The following DAP variants were observed in gnomAD, a reference collection of about 807,000 sequenced individuals.
The protein encoded by DAP is death associated protein.
A neutral mutation model predicts 13.8 loss-of-function variants in DAP; 8 were observed. The ratio of observed to expected loss-of-function variants is 0.58; its 90% CI spans 0.34 to 1.05. The LOEUF (loss-of-function observed/expected upper bound fraction) is 1.05, where lower values mean the gene tolerates loss of function less well. DAP is among the 50% of genes least tolerant of loss of function. The pLI, the probability that DAP is intolerant of heterozygous loss-of-function variation, is 0.03. For missense variants in DAP, 106 were observed against 133.2 expected (o/e 0.80, Z 1.01); for synonymous variants, 47 against 47.5 (o/e 0.99, Z 0.04).
Position 10,681,123 on chromosome 5 carries a change from T to C in DAP, c.242A>G (p.Lys81Arg). The change falls in exon 4 of 4, where the codon AAG becomes AGG. Residue 81 changes from lysine (K) to arginine (R), a missense_variant. Transcript: ENST00000230895. The stretch of plus-strand genomic sequence containing the variant: ...ATGCTTGTCCATGGAGGCATGCGGC[T>C]TCTGGTGAGCCACCTGCGCAGCCGC... ...PPAAAQVAHQ[K>R]PHASMDKHPS... The C allele has an allele frequency of 1.3e-6, 2 of 1,557,418 alleles. No individual in the cohort carries two copies. The highest frequency in any genetic ancestry group is 2.3e-5 in the East Asian group (1 of 44,174).
At chr5:10,721,418 T>G (rs1739137641) in intron 2 of DAP, among the ~76,000 whole-genome samples, 1 of 151,982 alleles carries the variant, frequency 6.6e-6, no homozygotes, top group South Asian at 2.1e-4. Flanking sequence ...CCTGGACACT[T>G]TGGGCTCTTA....
At chr5:10,759,705 G>A (rs1232202849) in intron 1 of DAP, among the ~76,000 whole-genome samples, 2 of 144,582 alleles carry the variant, frequency 1.4e-5, no homozygotes, top group African/African-American at 2.5e-5. Flanking sequence ...GAGAATTCCC[G>A]CCCTATAGCG....
intron 2 of DAP, among the ~76,000 whole-genome samples, chr5:10,738,002 C>T (rs1739657866): frequency 6.6e-6 from 1 of 152,218 alleles, no homozygotes; most frequent in Non-Finnish European, 1.5e-5. Context: ...AGTGATGCAT[C>T]TACAAGCCAG....
At chr5:10,755,065 G>A (rs758030426) in intron 1 of DAP, among the ~76,000 whole-genome samples, 31 of 152,204 alleles carry the variant, frequency 2.0e-4, no homozygotes, top group Non-Finnish European at 3.2e-4. Context: ...GACTGAAGGT[G>A]AGGAGATTAT....
At chr5:10,718,883 T>C (rs1390629295) in intron 2 of DAP, among the ~76,000 whole-genome samples, 1 of 152,242 alleles carries the variant, frequency 6.6e-6, no homozygotes, top group Non-Finnish European at 1.5e-5. Flanking sequence ...TGTCATAATC[T>C]TATTCGGAGA....
chr5:10,733,589 A>C (rs1739528327), intron 2 of DAP, among the ~76,000 whole-genome samples: 1 of 152,182 alleles, frequency 6.6e-6, no homozygotes, highest in African/African-American at 2.4e-5. Flanking sequence ...TTGATACTCC[A>C]GCCCGTATTA....
intron 2 of DAP, among the ~76,000 whole-genome samples, chr5:10,689,150 GATC>G (rs1738234165): frequency 6.6e-6 from 1 of 152,170 alleles, no homozygotes; most frequent in African/African-American, 2.4e-5. Flanking sequence ...GATGATATGA[GATC>G]ATGACAGCTC....
intron 1 of DAP, among the ~76,000 whole-genome samples, chr5:10,752,171 C>A (rs1579823284): frequency 1.3e-5 from 2 of 152,232 alleles, no homozygotes; most frequent in East Asian, 3.8e-4. Flanking sequence ...AATAAGCACA[C>A]AGTGTCAAGG....
intron 2 of DAP, among the ~76,000 whole-genome samples, chr5:10,723,154 T>TA (rs1463772043): frequency 6.6e-6 from 1 of 152,060 alleles, no homozygotes; most frequent in Non-Finnish European, 1.5e-5. Context: ...AGTAAGCAAC[T>TA]AAAAAAGAAA....
At chr5:10,728,605 C>T (rs1206198303) in intron 2 of DAP, among the ~76,000 whole-genome samples, 1 of 152,218 alleles carries the variant, frequency 6.6e-6, no homozygotes, top group Non-Finnish European at 1.5e-5. Flanking sequence ...CTTGAGAAAA[C>T]TTGACCTTCC....
chr5:10,735,559 G>A (rs1054165517), intron 2 of DAP, among the ~76,000 whole-genome samples: 6 of 152,168 alleles, frequency 3.9e-5, no homozygotes, highest in Non-Finnish European at 8.8e-5. Flanking sequence ...GTAATGCAGT[G>A]CACATGTATA....
chr5:10,730,047 A>G (rs1006488926), intron 2 of DAP, among the ~76,000 whole-genome samples: 4 of 152,350 alleles, frequency 2.6e-5, no homozygotes, highest in East Asian at 1.9e-4. Flanking sequence ...CGGTTTTCTC[A>G]GGAGATAAAG....
intron 2 of DAP, among the ~76,000 whole-genome samples, chr5:10,731,979 C>G (rs1739475532): frequency 6.6e-6 from 1 of 152,210 alleles, no homozygotes. Flanking sequence ...TCAATGTGTC[C>G]TTGCTGCCTG....
intron 2 of DAP, among the ~76,000 whole-genome samples, chr5:10,694,159 G>A (rs140667927): frequency 7.2e-4 from 109 of 152,190 alleles, no homozygotes; most frequent in African/African-American, 2.3e-3. Flanking sequence ...TAACAGATTC[G>A]AGGCAGCCGA....
At chr5:10,730,840 G>A (rs1431565207) in intron 2 of DAP, among the ~76,000 whole-genome samples, 8 of 120,466 alleles carry the variant, frequency 6.6e-5, no homozygotes, top group Non-Finnish European at 1.0e-4. Context: ...AGCCCTGGTG[G>A]GGGGGAAATC....
intron 2 of DAP, among the ~76,000 whole-genome samples, chr5:10,727,213 G>C (rs1272892201): frequency 1.3e-5 from 2 of 152,212 alleles, no homozygotes; most frequent in African/African-American, 4.8e-5. Flanking sequence ...CCATGTGTCA[G>C]GAGAATGGGT....
chr5:10,739,784 A>ACACACACAC (rs1561029940), intron 2 of DAP, among the ~76,000 whole-genome samples: 6 of 76,170 alleles, frequency 7.9e-5, no homozygotes, highest in African/African-American at 3.0e-4. Flanking sequence ...ATACTAAATT[A>ACACACACAC]ACTCACACAC....
intron 2 of DAP, among the ~76,000 whole-genome samples, chr5:10,691,185 C>T (rs1342535630): frequency 2.0e-5 from 3 of 152,238 alleles, no homozygotes; most frequent in East Asian, 3.8e-4. Context: ...GGACATATGG[C>T]AGCTGCCCAT....
At chr5:10,731,551 C>T (rs966160553) in intron 2 of DAP, among the ~76,000 whole-genome samples, 1 of 152,220 alleles carries the variant, frequency 6.6e-6, no homozygotes, top group African/African-American at 2.4e-5. Context: ...GGGCCACCTG[C>T]TCATCCCCAC....
Sources: gnomAD v4.1 joint callset for allele counts (sites outside exome capture counted in the v4.1 genomes callset) on GRCh38, gnomAD v4.1.1 for gene constraint, MANE v1.5 for transcripts, NCBI Gene and HGNC (gene_info 2026-07-23, HGNC 2026-07-21) for gene names.